The following NDUFB2 variants were observed in gnomAD, a reference collection of about 807,000 sequenced individuals.
NDUFB2 encodes NADH:ubiquinone oxidoreductase subunit B2.
In NDUFB2, 13 loss-of-function variants were observed where a neutral mutation model predicts 13.4. The observed-to-expected ratio is 0.97, with a 90% CI of 0.63 to 1.54. NDUFB2 has a LOEUF of 1.54. Ranked by LOEUF, NDUFB2 falls within the 40% of genes most tolerant of loss-of-function variation. The probability of loss-of-function intolerance (pLI) is 0.00; values close to 1 mark genes in which losing one functional copy is unlikely to be tolerated. For synonymous variants in NDUFB2, 47 were observed against 50.6 expected, an observed-to-expected ratio of 0.93 and a Z score of 0.30; for missense variants, 150 against 139.7, an observed-to-expected ratio of 1.07 and a Z score of -0.37.
At chr7:140,697,515 AGGTAGGGAGCGGG>A in intron 1 of NDUFB2, 1 of 439,460 alleles carries the variant, frequency 2.3e-6, no homozygotes. Context: ...TGGGGGTGCG[AGGTAGGGAGCGGG>A]TGCGAGGTAG....
Position 140,704,914 on chromosome 7 carries a change from C to T in NDUFB2, c.298C>T (p.Pro100Ser). 1 of 1,603,182 alleles carries T rather than the reference C, an allele frequency of 6.2e-7. No individual in the cohort carries two copies. Among genetic ancestry groups the T allele is most frequent in the Non-Finnish European group, 8.5e-7 (1 of 1,174,964 alleles). The change falls in exon 3 of 4, where the codon CCT becomes TCT. Residue 100 changes from proline to serine, a missense_variant. By Grantham distance (74) the Pro-to-Ser change is moderately conservative. Transcript: ENST00000247866. ...GTGGACAGATGAAGAATTAGGTATC[C>T]CTCCTGATGATGAAGACTGAAGGTG... ...SQWTDEELGI[P>S]PDDED
chr7:140,697,267 C>T, intron 1 of NDUFB2: 1 of 700,908 alleles, frequency 1.4e-6, no homozygotes, highest in Non-Finnish European at 2.6e-6. Flanking sequence ...TGCCTGGCTG[C>T]GGAATTTAGG....
intron 1 of NDUFB2, chr7:140,697,952 G>T: frequency 7.9e-7 from 1 of 1,265,216 alleles, no homozygotes; most frequent in South Asian, 1.3e-5. Flanking sequence ...CTCCAGCCTC[G>T]GCCTCCCAAA....
At chr7:140,698,098 G>A (rs1419033216) in intron 1 of NDUFB2, 2 of 1,348,056 alleles carry the variant, frequency 1.5e-6, no homozygotes, top group African/African-American at 1.5e-5. Context: ...GGAAATGAAA[G>A]GAGTGACTTG....
intron 1 of NDUFB2, chr7:140,700,881 A>G (rs1054792817): frequency 4.6e-5 from 7 of 152,294 alleles, no homozygotes; most frequent in Non-Finnish European, 1.0e-4. Context: ...TAGATCCTGA[A>G]TGAATAATAT....
At chr7:140,698,974 A>G (rs1320470894) in intron 1 of NDUFB2, among the ~76,000 whole-genome samples, 1 of 152,114 alleles carries the variant, frequency 6.6e-6, no homozygotes, top group Non-Finnish European at 1.5e-5. Flanking sequence ...CCTGGCCAAC[A>G]CGGTGAAACC....
intron 1 of NDUFB2, among the ~76,000 whole-genome samples, chr7:140,699,367 G>A (rs1003312859): frequency 6.6e-6 from 1 of 152,068 alleles, no homozygotes; most frequent in East Asian, 1.9e-4. Context: ...ATTTCTTTGA[G>A]ATCGTGCTTC....
At chr7:140,698,092 A>G in intron 1 of NDUFB2, 2 of 1,345,748 alleles carry the variant, frequency 1.5e-6, no homozygotes, top group Non-Finnish European at 9.8e-7. Context: ...GGCCCAGGAA[A>G]TGAAAGGAGT....
chr7:140,702,006 G>C (rs1405723529), intron 1 of NDUFB2: 8 of 700,814 alleles, frequency 1.1e-5, no homozygotes, highest in Non-Finnish European at 2.1e-5. Context: ...TACTGTTCAC[G>C]AATCTGTGCA....
At chr7:140,703,368 G>A (rs533687187) in intron 2 of NDUFB2, among the ~76,000 whole-genome samples, 24 of 149,894 alleles carry the variant, frequency 1.6e-4, no homozygotes, top group Middle Eastern at 3.5e-3. Flanking sequence ...TCTGCATCCC[G>A]GGTTCAAGTG....
chr7:140,706,060 T>TATGTTATGTTTTATGTTATG (rs1402496959), intron 3 of NDUFB2: 7 of 125,110 alleles, frequency 5.6e-5, no homozygotes, highest in African/African-American at 1.0e-4. Context: ...TATGTTATGT[T>TATGTTATGTTTTATGTTATG]TTATGTTATG....
intron 1 of NDUFB2, among the ~76,000 whole-genome samples, chr7:140,699,019 A>G (rs1284400578): frequency 6.6e-6 from 1 of 152,018 alleles, no homozygotes; most frequent in African/African-American, 2.4e-5. Context: ...TTAGCTGGGC[A>G]TGGTAGTGTG....
At chr7:140,698,329 G>A (rs1196465964) in intron 1 of NDUFB2, 3 of 1,349,032 alleles carry the variant, frequency 2.2e-6, no homozygotes, top group Non-Finnish European at 2.9e-6. Context: ...GTGCATAAAT[G>A]TTTATGGAGC....
chr7:140,703,420 G>T (rs1158627155), intron 2 of NDUFB2, among the ~76,000 whole-genome samples: 2 of 151,804 alleles, frequency 1.3e-5, no homozygotes, highest in Non-Finnish European at 2.9e-5. Flanking sequence ...GACTACAGGT[G>T]TGCACCCCCA....
intron 1 of NDUFB2, chr7:140,697,426 G>T (rs1368910025): frequency 2.8e-6 from 2 of 702,638 alleles, no homozygotes; most frequent in East Asian, 5.4e-5. Flanking sequence ...CCAACGCTGG[G>T]GCAGCCGTGG....
chr7:140,702,787 A>T (rs1224037499), intron 1 of NDUFB2, 79 bp from the exon 2 acceptor site: 58 of 1,533,360 alleles, frequency 3.8e-5, no homozygotes, highest in Non-Finnish European at 5.1e-5. Flanking sequence ...TGGTTCTAGG[A>T]TGTAACTCAG....
chr7:140,699,048 C>T (rs1794860515), intron 1 of NDUFB2, among the ~76,000 whole-genome samples: 1 of 152,066 alleles, frequency 6.6e-6, no homozygotes, highest in African/African-American at 2.4e-5. Flanking sequence ...ATCCCAGCTA[C>T]TGGGGAGGCT....
intron 2 of NDUFB2, 75 bp from the exon 3 acceptor site, chr7:140,704,785 A>G (rs1794943299): frequency 1.1e-6 from 1 of 948,156 alleles, no homozygotes; most frequent in East Asian, 2.8e-5. Flanking sequence ...TCTTTCCAAG[A>G]TTTATTTAAC....
At chr7:140,696,892 G>A (rs370551320) in intron 1 of NDUFB2, 50 bp downstream of exon 1, 239 of 1,525,474 alleles carry the variant, frequency 1.6e-4, no homozygotes, top group Non-Finnish European at 2.0e-4. Context: ...AGCGGACAGC[G>A]CGGGTCCCTG....
Sources: gnomAD v4.1 joint callset for allele counts (sites outside exome capture counted in the v4.1 genomes callset) on GRCh38, gnomAD v4.1.1 for gene constraint, MANE v1.5 for transcripts, NCBI Gene and HGNC (gene_info 2026-07-23, HGNC 2026-07-21) for gene names.